Variants in SCN1A observed in about 807,000 individuals in gnomAD.
SCN1A encodes sodium voltage-gated channel alpha subunit 1, also known as sodium channel protein type 1 subunit alpha.
SCN1A carries 13 observed loss-of-function variants against 193.7 expected under a neutral mutation model. That is an observed-to-expected ratio of 0.07 (90% confidence interval 0.04 to 0.11). SCN1A has a LOEUF of 0.11. Among genes scored for constraint, SCN1A ranks in the 10% least tolerant of loss-of-function variants. The probability of loss-of-function intolerance (pLI) is 1.00; values close to 1 mark genes in which losing one functional copy is unlikely to be tolerated. For missense variants in SCN1A, 1,432 were observed against 2,451.1 expected, an observed-to-expected ratio of 0.58 and a Z score of 8.78; for synonymous variants, 781 against 843.6, an observed-to-expected ratio of 0.93 and a Z score of 1.29.
intron 3 of SCN1A, chr2:166,076,998 T>G (rs1197506316): frequency 6.6e-6 from 1 of 151,948 alleles, no homozygotes; most frequent in Non-Finnish European, 1.5e-5. Context: ...AGTTCTCTGT[T>G]TTTCTTGGAA....
chr2:166,002,774 A>G, intron 23 of SCN1A, 21 bp from the exon 24 acceptor site: 3 of 1,593,710 alleles, frequency 1.9e-6, no homozygotes, highest in Non-Finnish European at 2.6e-6. Flanking sequence ...AATGGAAAAA[A>G]AGAAAAGTCA....
At chr2:166,014,544 G>A (rs1388283987) in intron 20 of SCN1A, among the ~76,000 whole-genome samples, 4 of 134,730 alleles carry the variant, frequency 3.0e-5, no homozygotes, top group African/African-American at 5.5e-5. Flanking sequence ...AAAAGGCACC[G>A]AACATGTACC....
chr2:166,015,994 CA>C, intron 19 of SCN1A: 1 of 413,982 alleles, frequency 2.4e-6, no homozygotes, highest in South Asian at 2.3e-5. Flanking sequence ...CTGAGCAAAA[CA>C]CTGCCTTGTG....
At position 165,987,080 on chromosome 2, in the gene SCN1A, A is replaced by G. The variant is rs1249392659; in HGVS notation, c.*4165T>C. On this transcript the variant is annotated 3_prime_UTR_variant, in exon 29 of 29. Transcript: ENST00000674923. The stretch of plus-strand genomic sequence containing the variant: ...TTAGTTGTCATAGTTCTTTGACCTC[A>G]TGGAATTCTTTAGCCTTTCTTTGTC... 1 of 152,054 alleles carries G rather than the reference A, an allele frequency of 6.6e-6. No individual in the cohort carries two copies. The highest frequency in any genetic ancestry group is 1.5e-5 in the Non-Finnish European group (1 of 67,978). The allele number at this position is 152,054 out of a possible 1,614,324, so 9.4% of individuals were successfully genotyped here. A position where few individuals can be genotyped will look rare whatever the true frequency, so the allele number is the denominator to read the frequency against.
At chr2:166,125,085 A>T (rs1691084026) in intron 2 of SCN1A, among the ~76,000 whole-genome samples, 1 of 152,212 alleles carries the variant, frequency 6.6e-6, no homozygotes, top group Non-Finnish European at 1.5e-5. Context: ...GTGCAATGAG[A>T]ATAAATTTCT....
At chr2:166,104,564 A>G (rs1046314750) in intron 2 of SCN1A, among the ~76,000 whole-genome samples, 1 of 152,106 alleles carries the variant, frequency 6.6e-6, no homozygotes, top group Non-Finnish European at 1.5e-5. Context: ...GCAACATGGC[A>G]AAACCCCGTC....
chr2:166,043,373 A>G (rs1488307328), intron 14 of SCN1A, among the ~76,000 whole-genome samples: 1 of 152,222 alleles, frequency 6.6e-6, no homozygotes. Flanking sequence ...GCCTTGGAGA[A>G]TGTCCTGCTA....
intron 19 of SCN1A, among the ~76,000 whole-genome samples, chr2:166,033,290 T>C (rs921398449): frequency 6.6e-6 from 1 of 152,184 alleles, no homozygotes; most frequent in Non-Finnish European, 1.5e-5. Flanking sequence ...CTTCAGACAC[T>C]ATGCCCATGA....
intron 4 of SCN1A, chr2:166,059,621 A>G (rs1034679487): frequency 6.6e-6 from 1 of 152,198 alleles, no homozygotes; most frequent in Non-Finnish European, 1.5e-5. Context: ...TGTGAAGAGC[A>G]TATTTGGGGA....
At chr2:166,107,944 G>A (rs1197105425) in intron 2 of SCN1A, among the ~76,000 whole-genome samples, 1 of 152,012 alleles carries the variant, frequency 6.6e-6, no homozygotes, top group Non-Finnish European at 1.5e-5. Context: ...AGAGAACATT[G>A]ATAAATTGTA....
chr2:166,143,657 G>T (rs1692188258), intron 1 of SCN1A, among the ~76,000 whole-genome samples: 1 of 152,114 alleles, frequency 6.6e-6, no homozygotes, highest in Admixed American at 6.6e-5. Context: ...TCATATTGCC[G>T]AGCTAAACTC....
chr2:166,109,279 C>A (rs1246583751), intron 2 of SCN1A, among the ~76,000 whole-genome samples: 4 of 152,096 alleles, frequency 2.6e-5, no homozygotes, highest in African/African-American at 9.7e-5. Flanking sequence ...ACTGAATTTA[C>A]ATCAAGATAA....
intron 2 of SCN1A, among the ~76,000 whole-genome samples, chr2:166,107,746 C>A (rs528433738): frequency 1.2e-4 from 18 of 152,156 alleles, no homozygotes; most frequent in Admixed American, 1.2e-3. Flanking sequence ...CTAGAAAAAC[C>A]AGATATCCAC....
chr2:166,104,081 C>G (rs2106159907), intron 2 of SCN1A, among the ~76,000 whole-genome samples: 1 of 152,068 alleles, frequency 6.6e-6, no homozygotes, highest in East Asian at 1.9e-4. Flanking sequence ...TGAAATAAAA[C>G]TAAATTTAGT....
At chr2:166,062,647 T>C (rs980978328) in intron 4 of SCN1A, among the ~76,000 whole-genome samples, 3 of 152,082 alleles carry the variant, frequency 2.0e-5, no homozygotes, top group South Asian at 4.1e-4. Flanking sequence ...CCTTCCCCGC[T>C]ATACGTATAA....
At chr2:165,996,353 C>G (rs1690064195) in intron 26 of SCN1A, 1 of 350,676 alleles carries the variant, frequency 2.9e-6, no homozygotes, top group Non-Finnish European at 5.3e-6. Context: ...CAAACACCCC[C>G]AAATCTCAAA....
intron 4 of SCN1A, among the ~76,000 whole-genome samples, chr2:166,061,894 A>G (rs1342544440): frequency 3.5e-5 from 5 of 144,030 alleles, no homozygotes; most frequent in Non-Finnish European, 7.7e-5. Context: ...TTAGATGAAA[A>G]CATTTACTGA....
At chr2:166,102,183 C>T (rs1688155318) in intron 2 of SCN1A, among the ~76,000 whole-genome samples, 1 of 152,184 alleles carries the variant, frequency 6.6e-6, no homozygotes, top group African/African-American at 2.4e-5. Flanking sequence ...CCATCTCACA[C>T]CAGTCAGAAT....
At chr2:166,073,172 G>T in intron 4 of SCN1A, 186 bp downstream of exon 4, 1 of 679,644 alleles carries the variant, frequency 1.5e-6, no homozygotes, top group African/African-American at 1.8e-5. Context: ...TGGGACAGTT[G>T]CATATGTTAT....
Sources: allele counts gnomAD v4.1 joint callset (sites outside exome capture counted in the v4.1 genomes callset), GRCh38; gene constraint gnomAD v4.1.1; transcripts MANE v1.5; gene names NCBI Gene and HGNC (gene_info 2026-07-23, HGNC 2026-07-21).